CHST8: variants seen among roughly 807,000 people sequenced by gnomAD.
CHST8 encodes the protein GALNAC-4-ST1.
In CHST8, 10 loss-of-function variants were observed where a neutral mutation model predicts 15.0. That is an observed-to-expected ratio of 0.67 (90% CI 0.41 to 1.13). The LOEUF is 1.13. CHST8 is among the 50% of genes most tolerant of loss of function. The pLI is 0.00. For synonymous variants in CHST8, 259 were observed against 256.6 expected, an observed-to-expected ratio of 1.01 and a Z score of -0.09; for missense variants, 634 against 608.2, an observed-to-expected ratio of 1.04 and a Z score of -0.45.
intron 3 of CHST8, among the ~76,000 whole-genome samples, chr19:33,763,644 A>T (rs1974778532): frequency 6.6e-6 from 1 of 152,228 alleles, no homozygotes; most frequent in Admixed American, 6.5e-5. Context: ...ATGAGAATTG[A>T]AGCCCTTGGG....
At chr19:33,672,691 G>A (rs1972756528) in intron 2 of CHST8, among the ~76,000 whole-genome samples, 1 of 152,174 alleles carries the variant, frequency 6.6e-6, no homozygotes, top group Admixed American at 6.5e-5. Flanking sequence ...CAAGAGTGTT[G>A]GGGAACGATG....
At chr19:33,719,155 G>A (rs1017364320) in intron 3 of CHST8, among the ~76,000 whole-genome samples, 5 of 150,490 alleles carry the variant, frequency 3.3e-5, no homozygotes, top group African/African-American at 9.8e-5. Context: ...AAAATAAAAC[G>A]TGTTTTCTAA....
intron 3 of CHST8, among the ~76,000 whole-genome samples, chr19:33,743,549 C>T (rs1974246362): frequency 6.6e-6 from 1 of 152,024 alleles, no homozygotes; most frequent in Non-Finnish European, 1.5e-5. Flanking sequence ...GATCTGCCCA[C>T]CTCGGCCTCC....
At position 33,689,170 on chromosome 19, in the gene CHST8, C is replaced by G; in HGVS notation, c.-86-6C>G. ...CGGTGATGACTATCCCTCCTCTGCC[C>G]CGTAGATCTCGGCCTGATGGACGCC... On this transcript the variant is annotated splice_polypyrimidine_tract_variant and splice_region_variant and intron_variant, in intron 2 of 4. Coordinates refer to ENST00000650847, the MANE Select transcript of CHST8 (RefSeq NM_001127895.2). 1 of 1,428,480 alleles carries G rather than the reference C, an allele frequency of 7.0e-7. No individual in the cohort carries two copies. Among genetic ancestry groups the G allele is most frequent in the African/African-American group, 1.5e-5 (1 of 68,602 alleles). 88.5% of individuals were successfully genotyped at this position (1,428,480 alleles called of 1,614,324 possible).
chr19:33,696,915 A>C (rs1599561840), intron 3 of CHST8, among the ~76,000 whole-genome samples: 1 of 150,938 alleles, frequency 6.6e-6, no homozygotes, highest in South Asian at 2.1e-4. Context: ...ATCTTGGCTC[A>C]CCACAACCTC....
At chr19:33,670,429 C>T (rs1448998766) in intron 2 of CHST8, among the ~76,000 whole-genome samples, 2 of 152,232 alleles carry the variant, frequency 1.3e-5, no homozygotes, top group African/African-American at 4.8e-5. Flanking sequence ...TTGGCATACT[C>T]AGCAGACATG....
intron 2 of CHST8, 43 bp from the exon 3 acceptor site, chr19:33,689,133 T>G (rs926246317): frequency 6.1e-6 from 7 of 1,141,770 alleles, no homozygotes; most frequent in Non-Finnish European, 8.2e-6. Context: ...CCTGCCCGGG[T>G]GCCTCGCGCC....
intron 3 of CHST8, among the ~76,000 whole-genome samples, chr19:33,742,598 A>T (rs138904040): frequency 1.7e-3 from 265 of 152,276 alleles, no homozygotes; most frequent in Middle Eastern, 0.014. Flanking sequence ...TACATTGGGG[A>T]TTTCATTTCA....
intron 1 of CHST8, among the ~76,000 whole-genome samples, chr19:33,649,689 C>T (rs1415210267): frequency 6.6e-6 from 1 of 152,172 alleles, no homozygotes; most frequent in Non-Finnish European, 1.5e-5. Flanking sequence ...CCCTACATGT[C>T]AAAAGGACAT....
intron 3 of CHST8, among the ~76,000 whole-genome samples, chr19:33,692,683 G>A (rs1214425469): frequency 1.3e-5 from 2 of 152,224 alleles, no homozygotes; most frequent in African/African-American, 4.8e-5. Flanking sequence ...CTGGGTGACA[G>A]GGCCGGACTT....
chr19:33,767,738 G>C (rs1974880045), intron 3 of CHST8, among the ~76,000 whole-genome samples: 1 of 152,212 alleles, frequency 6.6e-6, no homozygotes, highest in Admixed American at 6.5e-5. Context: ...CACCGAAAGT[G>C]GGGTGTGCGT....
At chr19:33,677,062 T>C (rs1005460619) in intron 2 of CHST8, among the ~76,000 whole-genome samples, 7 of 152,088 alleles carry the variant, frequency 4.6e-5, no homozygotes. Context: ...ATGACTGACA[T>C]TTTGAGTCCC....
At chr19:33,734,334 C>A (rs284678) in intron 3 of CHST8, among the ~76,000 whole-genome samples, 10,387 of 152,192 alleles carry the variant, frequency 0.068, 416 homozygotes, top group Admixed American at 0.11. Context: ...AAGAAATAAC[C>A]ATAAAAATGG....
At chr19:33,715,410 G>A (rs568615399) in intron 3 of CHST8, among the ~76,000 whole-genome samples, 29 of 152,242 alleles carry the variant, frequency 1.9e-4, no homozygotes, top group Non-Finnish European at 3.8e-4. Flanking sequence ...CAGTGACACA[G>A]AGGGCCTGTT....
intron 2 of CHST8, among the ~76,000 whole-genome samples, chr19:33,671,058 A>G (rs1193570457): frequency 6.6e-6 from 1 of 152,022 alleles, no homozygotes; most frequent in Admixed American, 6.5e-5. Context: ...TTCCGTTTCT[A>G]TTTCACTCAC....
At chr19:33,707,226 A>C (rs1453763968) in intron 3 of CHST8, among the ~76,000 whole-genome samples, 4 of 152,014 alleles carry the variant, frequency 2.6e-5, no homozygotes, top group Non-Finnish European at 5.9e-5. Flanking sequence ...CTAACTTTCC[A>C]ATTTTTCTGT....
chr19:33,679,628 A>G (rs1157501255), intron 2 of CHST8, among the ~76,000 whole-genome samples: 3 of 152,232 alleles, frequency 2.0e-5, no homozygotes, highest in Non-Finnish European at 4.4e-5. Context: ...GAAGGTCAGG[A>G]CAGTCTGATC....
intron 1 of CHST8, among the ~76,000 whole-genome samples, chr19:33,663,613 G>A (rs1045954238): frequency 6.6e-6 from 1 of 152,194 alleles, no homozygotes; most frequent in African/African-American, 2.4e-5. Context: ...GCTCACGCCT[G>A]TAATCCTAGC....
chr19:33,768,926 T>A (rs569471931), intron 3 of CHST8, among the ~76,000 whole-genome samples: 1 of 152,352 alleles, frequency 6.6e-6, no homozygotes, highest in Admixed American at 6.5e-5. Context: ...AAGGAGGAAG[T>A]TGCAGGCAGG....
Sources: gnomAD v4.1 joint callset for allele counts (sites outside exome capture counted in the v4.1 genomes callset) on GRCh38, gnomAD v4.1.1 for gene constraint, MANE v1.5 for transcripts, NCBI Gene and HGNC (gene_info 2026-07-23, HGNC 2026-07-21) for gene names.